TMEM229B: variants seen among roughly 807,000 people sequenced by gnomAD.
The protein encoded by TMEM229B is transmembrane protein 229B, also known as chromosome 14 open reading frame 83.
Under a neutral mutation model 13.7 loss-of-function variants are expected in TMEM229B, and 6 were observed. The observed-to-expected ratio is 0.44, with a 90% confidence interval of 0.24 to 0.86. The LOEUF (loss-of-function observed/expected upper bound fraction) is 0.86, where lower values mean the gene tolerates loss of function less well. Ranked by LOEUF, TMEM229B falls within the 40% of genes least tolerant of loss-of-function variation. The pLI, the probability that TMEM229B is intolerant of heterozygous loss-of-function variation, is 0.23. For missense variants in TMEM229B, 170 were observed against 236.0 expected (o/e 0.72, Z 1.83); for synonymous variants, 107 against 102.1 (o/e 1.05, Z -0.29).
chr14:67,523,684 G>A (rs1020566557), intron 1 of TMEM229B, among the ~76,000 whole-genome samples: 4 of 152,208 alleles, frequency 2.6e-5, no homozygotes, highest in Non-Finnish European at 5.9e-5. Context: ...CTCTGGCTTT[G>A]GCTCAAGATT....
intron 2 of TMEM229B, among the ~76,000 whole-genome samples, chr14:67,479,139 T>C (rs968275009): frequency 3.9e-5 from 6 of 152,228 alleles, no homozygotes; most frequent in African/African-American, 1.2e-4. Context: ...CTGGACGTGG[T>C]GGCTCACCCT....
chr14:67,473,201 C>G lies in TMEM229B; in HGVS notation c.*219G>C. Reference sequence around the variant, plus strand: ...ACTGGGCCGCGATCCATGGACCCTTCCCAATGTCCCTCTGCTGCCTCCACA... The same window carrying G: ...ACTGGGCCGCGATCCATGGACCCTTGCCAATGTCCCTCTGCTGCCTCCACA... On this transcript the variant is annotated 3_prime_UTR_variant, in exon 3 of 3. Coordinates refer to ENST00000554480, the MANE Select transcript of TMEM229B (RefSeq NM_001348543.2). The surrounding 1 kb of genome is among the most constrained non-coding windows in gnomAD (Gnocchi z 6.5). 1 of 615,084 alleles carries G rather than the reference C, an allele frequency of 1.6e-6. No homozygotes were observed. Among genetic ancestry groups the G allele is most frequent in the Non-Finnish European group, 2.8e-6 (1 of 359,474 alleles). 38.1% of individuals were successfully genotyped at this position (615,084 alleles called of 1,614,324 possible).
chr14:67,504,492 G>A (rs1594708832), intron 1 of TMEM229B, among the ~76,000 whole-genome samples: 1 of 151,974 alleles, frequency 6.6e-6, no homozygotes, highest in East Asian at 1.9e-4. Flanking sequence ...ATGTACTGTA[G>A]CCTTGTTCTA....
chr14:67,528,395 C>T (rs1358238140), intron 1 of TMEM229B, among the ~76,000 whole-genome samples: 1 of 152,180 alleles, frequency 6.6e-6, no homozygotes, highest in Admixed American at 6.5e-5. Context: ...TAGTCTCTCC[C>T]CACACAGGCT....
intron 2 of TMEM229B, among the ~76,000 whole-genome samples, chr14:67,478,136 G>A (rs1004353264): frequency 5.3e-5 from 8 of 152,208 alleles, no homozygotes; most frequent in Admixed American, 1.3e-4. Flanking sequence ...CAGACGGCTG[G>A]GGCAGCGTAG....
At chr14:67,484,930 C>T (rs1349971650) in intron 2 of TMEM229B, among the ~76,000 whole-genome samples, 1 of 152,176 alleles carries the variant, frequency 6.6e-6, no homozygotes, top group African/African-American at 2.4e-5. Flanking sequence ...TATATAGCCT[C>T]TGTGCTCATT....
chr14:67,476,682 G>C (rs1331326422), intron 2 of TMEM229B, among the ~76,000 whole-genome samples: 1 of 152,128 alleles, frequency 6.6e-6, no homozygotes, highest in Non-Finnish European at 1.5e-5. Context: ...CTCAGAGAGG[G>C]GACATTATTT....
intron 2 of TMEM229B, among the ~76,000 whole-genome samples, chr14:67,482,086 C>T (rs1231005770): frequency 6.6e-6 from 1 of 152,172 alleles, no homozygotes; most frequent in African/African-American, 2.4e-5. Context: ...CCTGGGCAAA[C>T]AGAGTCCCAT....
chr14:67,525,692 T>C (rs1266295643), intron 1 of TMEM229B, among the ~76,000 whole-genome samples: 4 of 152,256 alleles, frequency 2.6e-5, no homozygotes, highest in African/African-American at 9.6e-5. Flanking sequence ...TTACTGCATA[T>C]GCAGTTTATT....
upstream of TMEM229B, among the ~76,000 whole-genome samples, chr14:67,489,557 A>C (rs1285586843): frequency 2.6e-5 from 4 of 152,104 alleles, no homozygotes. Context: ...TGCAGCCACC[A>C]TTCTGACTCC....
chr14:67,495,964 C>T (rs540408523), intron 1 of TMEM229B, among the ~76,000 whole-genome samples: 4 of 152,230 alleles, frequency 2.6e-5, no homozygotes, highest in Non-Finnish European at 5.9e-5. Context: ...AAGCAAAGCC[C>T]TCAGACACAG....
At chr14:67,508,767 A>AAAAAAAAAAAAAAAAAAC (rs1260678496) in intron 1 of TMEM229B, among the ~76,000 whole-genome samples, 1 of 150,882 alleles carries the variant, frequency 6.6e-6, no homozygotes, top group Non-Finnish European at 1.5e-5. Context: ...AAAAAAAAAA[A>AAAAAAAAAAAAAAAAAAC]AAAACAGAAG....
intron 2 of TMEM229B, among the ~76,000 whole-genome samples, chr14:67,477,741 A>G (rs569189687): frequency 3.3e-4 from 51 of 152,338 alleles, no homozygotes; most frequent in Non-Finnish European, 6.5e-4. Flanking sequence ...AGACTAGCCT[A>G]GACAATGCAG....
At chr14:67,506,153 G>C (rs1168274157) in intron 1 of TMEM229B, among the ~76,000 whole-genome samples, 1 of 152,218 alleles carries the variant, frequency 6.6e-6, no homozygotes. Flanking sequence ...TCCCAGTCCA[G>C]TGACAAAGGA....
chr14:67,496,891 G>A (rs1307874594), intron 1 of TMEM229B, among the ~76,000 whole-genome samples: 8 of 151,782 alleles, frequency 5.3e-5, no homozygotes, highest in Non-Finnish European at 1.0e-4. Flanking sequence ...TCTGCCTCCC[G>A]GGTTCAAGTG....
chr14:67,478,149 C>G (rs2031343814), intron 2 of TMEM229B, among the ~76,000 whole-genome samples: 2 of 152,272 alleles, frequency 1.3e-5, no homozygotes. Flanking sequence ...CAGCGTAGCT[C>G]CACTCCACCT....
intron 1 of TMEM229B, among the ~76,000 whole-genome samples, chr14:67,522,973 A>G (rs964920165): frequency 6.6e-6 from 1 of 152,212 alleles, no homozygotes; most frequent in East Asian, 1.9e-4. Flanking sequence ...ACAAATGTGT[A>G]TTGAGTGTCT....
At chr14:67,507,741 A>C (rs2032878336) in intron 1 of TMEM229B, among the ~76,000 whole-genome samples, 1 of 152,180 alleles carries the variant, frequency 6.6e-6, no homozygotes, top group South Asian at 2.1e-4. Context: ...GGCTCAGTTT[A>C]AGTTTTAAGA....
At chr14:67,494,561 C>A (rs750151722) in intron 1 of TMEM229B, among the ~76,000 whole-genome samples, 1 of 152,156 alleles carries the variant, frequency 6.6e-6, no homozygotes, top group South Asian at 2.1e-4. Context: ...CCAGGCCAAT[C>A]GGCCCCGCCC....
Sources: gnomAD v4.1 joint callset for allele counts (sites outside exome capture counted in the v4.1 genomes callset) on GRCh38, gnomAD v4.1.1 for gene constraint, Gnocchi (gnomAD v3.1) non-coding constraint, MANE v1.5 for transcripts, NCBI Gene and HGNC (gene_info 2026-07-23, HGNC 2026-07-21) for gene names.